The following CRYGN variants were observed in gnomAD, a reference collection of about 807,000 sequenced individuals.
CRYGN encodes the protein crystallin gamma N.
A neutral mutation model predicts 19.2 loss-of-function variants in CRYGN; 17 were observed. The observed-to-expected ratio is 0.89, with a 90% CI of 0.61 to 1.33. The LOEUF is 1.33. Among genes scored for constraint, CRYGN ranks in the 40% most tolerant of loss-of-function variants. The probability of loss-of-function intolerance (pLI) is 0.00; values close to 1 mark genes in which losing one functional copy is unlikely to be tolerated. For missense variants in CRYGN, 239 were observed against 239.6 expected (o/e 1.00, Z 0.02); for synonymous variants, 84 against 85.8 (o/e 0.98, Z 0.12).
chr7:151,439,646 C>T (rs1250432266), intron 1 of CRYGN, among the ~76,000 whole-genome samples: 2 of 152,136 alleles, frequency 1.3e-5, no homozygotes, highest in African/African-American at 4.8e-5. Context: ...AGTCTGAACA[C>T]CCTCCCTGCT....
rs1000272069 is a variant in CRYGN at position 151,431,848 on chromosome 7, A to G, written c.417-1668T>C. 1.0e-4 allele frequency: 22 copies of G among 217,722 alleles called. No homozygotes were observed. The East Asian group carries it at 1.3e-3, about 13-fold the overall frequency. The allele number at this position is 217,722 out of a possible 1,614,324, so 13.5% of individuals were successfully genotyped here. A position where few individuals can be genotyped will look rare whatever the true frequency, so the allele number is the denominator to read the frequency against. ...CGAGTCACAGAGAGGCAGAGCCCCA[A>G]GCGAGCCTGGGGAGTCCTGAACCGG... On this transcript the variant is annotated intron_variant, in intron 3 of 3. Coordinates refer to ENST00000337323, the MANE Select transcript of CRYGN (RefSeq NM_144727.3). The surrounding 1 kb of genome is among the most constrained non-coding windows in gnomAD (Gnocchi z 4.8).
chr7:151,430,281 C>T lies in CRYGN; in HGVS notation c.417-101G>A. 6.6e-6 allele frequency: 8 copies of T among 1,204,160 alleles called. No homozygotes were observed. Among genetic ancestry groups the T allele is most frequent in the Admixed American group, 2.3e-5 (1 of 44,312 alleles). The allele number at this position is 1,204,160 out of a possible 1,614,324, so 74.6% of individuals were successfully genotyped here. The stretch of plus-strand genomic sequence containing the variant: ...CACATGGCAGCAGGGAGCCCCTTCC[C>T]CTTTCCTGGGCGGAGTGGACGGTTG... On this transcript the variant is annotated intron_variant, in intron 3 of 3. Coordinates refer to ENST00000337323, the MANE Select transcript of CRYGN (RefSeq NM_144727.3). This position sits in a 1 kb window ranked among gnomAD's most constrained non-coding sequence, Gnocchi z 5.2.
rs547847151 is a variant in CRYGN at position 151,436,507 on chromosome 7, G to C, written c.271-182C>G. Among the ~76,000 whole-genome samples the C allele has an allele frequency of 6.6e-6, 1 of 152,076 alleles. No homozygotes were observed. Among genetic ancestry groups the C allele is most frequent in the African/African-American group, 2.4e-5 (1 of 41,394 alleles). ...CACATGAGATGTGGTTGGAAGAAAG[G>C]GTTCTATTACTCTGAAAATGTTCCA... On this transcript the variant is annotated intron_variant, in intron 2 of 3. Coordinates refer to ENST00000337323, the MANE Select transcript of CRYGN (RefSeq NM_144727.3). This position sits in a 1 kb window ranked among gnomAD's most constrained non-coding sequence, Gnocchi z 5.1.
rs1801423080 is a variant in CRYGN at position 151,429,773 on chromosome 7, G to T, written c.*275C>A. 1.7e-5 allele frequency: 9 copies of T among 517,452 alleles called. No homozygotes were observed. The highest frequency in any genetic ancestry group is 3.1e-5 in the Non-Finnish European group (9 of 286,512). The allele number at this position is 517,452 out of a possible 1,614,324, so 32.1% of individuals were successfully genotyped here. A position where few individuals can be genotyped will look rare whatever the true frequency, so the allele number is the denominator to read the frequency against. ...TTCATCAACATCATCACCATCATCA[G>T]CTGTGGGCTGAGGTGCGAGATTGTG... On this transcript the variant is annotated 3_prime_UTR_variant, in exon 4 of 4. Coordinates refer to ENST00000337323, the MANE Select transcript of CRYGN (RefSeq NM_144727.3).
chr7:151,438,350 C>T, intron 1 of CRYGN, 106 bp from the exon 2 acceptor site: 1 of 1,169,158 alleles, frequency 8.6e-7, no homozygotes, highest in Non-Finnish European at 1.2e-6. Flanking sequence ...TACTCCCAGG[C>T]CCCCAAAAGC....
In CRYGN at chr7:151,439,997, T is replaced by C. The variant is rs1372703612; in HGVS notation, c.-80A>G. On this transcript the variant is annotated 5_prime_UTR_variant, in exon 1 of 4. Transcript: ENST00000337323. ...GCTCAGCGCCGCCCCGGACAAAAGA[T>C]TTGCTGGGCCGGCCCCGGAGCGTTA... 24 of 1,431,876 alleles carry C rather than the reference T, an allele frequency of 1.7e-5. No individual in the cohort carries two copies. Among genetic ancestry groups the C allele is most frequent in the Non-Finnish European group, 1.9e-5 (21 of 1,089,114 alleles). The allele number at this position is 1,431,876 out of a possible 1,614,324, so 88.7% of individuals were successfully genotyped here. A position where few individuals can be genotyped will look rare whatever the true frequency, so the allele number is the denominator to read the frequency against.
chr7:151,440,221 A>G, upstream of CRYGN: 1 of 653,436 alleles, frequency 1.5e-6, no homozygotes, highest in Non-Finnish European at 2.3e-6. Flanking sequence ...TGGTGGGGGG[A>G]GGAGGGGAGG....
chr7:151,436,916 C>T lies in CRYGN; in HGVS notation c.271-591G>A, dbSNP rs554307681. The stretch of plus-strand genomic sequence containing the variant: ...ATATGATTCCCGCATTTCCAAAAGA[C>T]AGAGGAGGGCCAGCCCCTGCCTGGC... On this transcript the variant is annotated intron_variant, in intron 2 of 3. Coordinates refer to ENST00000337323, the MANE Select transcript of CRYGN (RefSeq NM_144727.3). The surrounding 1 kb of genome is among the most constrained non-coding windows in gnomAD (Gnocchi z 5.1). The T allele has an allele frequency of 6.6e-6, 1 of 152,282 alleles. No individual in the cohort carries two copies. The highest frequency in any genetic ancestry group is 6.5e-5 in the Admixed American group (1 of 15,308). 9.4% of individuals were successfully genotyped at this position (152,282 alleles called of 1,614,324 possible). A position where few individuals can be genotyped will look rare whatever the true frequency, so the allele number is the denominator to read the frequency against.
At position 151,430,210 on chromosome 7, in the gene CRYGN, C is replaced by T. The variant is rs761612752; in HGVS notation, c.417-30G>A. On this transcript the variant is annotated intron_variant, in intron 3 of 3. Transcript: ENST00000337323. This position sits in a 1 kb window ranked among gnomAD's most constrained non-coding sequence, Gnocchi z 5.2. ...GGTTTGCAGGTGAAAGGAGGTGGGGCCAGGGCATTAGGGGTACAGAGCAGG... is the reference window on the plus strand; with the variant it reads ...GGTTTGCAGGTGAAAGGAGGTGGGGTCAGGGCATTAGGGGTACAGAGCAGG... 9 of 1,612,428 alleles carry T rather than the reference C, an allele frequency of 5.6e-6. No homozygotes were observed. The highest frequency in any genetic ancestry group is 7.6e-6 in the Non-Finnish European group (9 of 1,179,622).
intron 3 of CRYGN, chr7:151,432,258 G>A: frequency 2.4e-6 from 3 of 1,232,190 alleles, no homozygotes; most frequent in South Asian, 4.1e-5. Flanking sequence ...TGCGGCCGTG[G>A]TAGTTGGGCT....
In CRYGN at chr7:151,438,034, G is replaced by A. The variant is rs1482704560; in HGVS notation, c.232C>T (p.His78Tyr). ...CGACAGGAGCCCATGTGGTCACTGT[G>A]GCTGTTCCAGCGGAAGAAGTCGGGG... The part of the protein sequence containing the change: ...DYPDFFRWNS[H>Y]SDHMGSCRPV... The change falls in exon 2 of 4, where the codon CAC becomes TAC. Residue 78 changes from histidine to tyrosine, a missense_variant. By Grantham distance (83) the His-to-Tyr change is moderately conservative. Transcript: ENST00000337323. 1 of 1,613,840 alleles carries A rather than the reference G, an allele frequency of 6.2e-7. No individual in the cohort carries two copies. The highest frequency in any genetic ancestry group is 8.5e-7 in the Non-Finnish European group (1 of 1,180,054).
At position 151,436,070 on chromosome 7, in the gene CRYGN, A is replaced by T. The variant is rs1801596921; in HGVS notation, c.416+110T>A. 1 of 793,346 alleles carries T rather than the reference A, an allele frequency of 1.3e-6. No individual in the cohort carries two copies. Among genetic ancestry groups the T allele is most frequent in the Non-Finnish European group, 1.7e-6 (1 of 572,404 alleles). The allele number at this position is 793,346 out of a possible 1,614,324, so 49.1% of individuals were successfully genotyped here. Reference sequence around the variant, plus strand: ...CCAGGGACACGCTGCCCACTGCTGGAGGTCTCATTCCCACCCCACCCACCA... The same window carrying T: ...CCAGGGACACGCTGCCCACTGCTGGTGGTCTCATTCCCACCCCACCCACCA... On this transcript the variant is annotated intron_variant, in intron 3 of 3. Transcript: ENST00000337323. The surrounding 1 kb of genome is among the most constrained non-coding windows in gnomAD (Gnocchi z 5.1).
chr7:151,429,566 C>T lies in CRYGN; in HGVS notation c.*482G>A, dbSNP rs1364216196. ...AAAAGGATCAATCAGCCAGCCAGAC[C>T]TGGGTTTTAGTCCTGACTGCTGTGT... On this transcript the variant is annotated 3_prime_UTR_variant, in exon 4 of 4. Coordinates refer to ENST00000337323, the MANE Select transcript of CRYGN (RefSeq NM_144727.3). 1 of 183,200 alleles carries T rather than the reference C, an allele frequency of 5.5e-6. No homozygotes were observed. Among genetic ancestry groups the T allele is most frequent in the Non-Finnish European group, 1.2e-5 (1 of 85,840 alleles). 11.3% of individuals were successfully genotyped at this position (183,200 alleles called of 1,614,324 possible).
In CRYGN at chr7:151,437,327, G is replaced by A. The variant is rs953720793; in HGVS notation, c.270+669C>T. ...TGCACGCCCCCAGGCTCAGGAGTCC[G>A]CCACTCCCCACCTGAAGCTCCAGAG... On this transcript the variant is annotated intron_variant, in intron 2 of 3. Transcript: ENST00000337323. Among the ~76,000 whole-genome samples the A allele has an allele frequency of 2.0e-4, 31 of 152,236 alleles. 1 individual carries two copies. The highest frequency in any genetic ancestry group is 1.7e-3 in the South Asian group (8 of 4,828).
rs1334686902 is a variant in CRYGN at position 151,440,060 on chromosome 7, C to T, written c.-143G>A. On this transcript the variant is annotated 5_prime_UTR_variant, in exon 1 of 4. Coordinates refer to ENST00000337323, the MANE Select transcript of CRYGN (RefSeq NM_144727.3). ...GTGCTAAGCCCGAGGGGCCACCAGG[C>T]GGTTGGGACCCGCCGCGGCCACCCT... 2.9e-6 allele frequency: 4 copies of T among 1,356,040 alleles called. No homozygotes were observed. The highest frequency in any genetic ancestry group is 7.2e-5 in the Admixed American group (2 of 27,796). 84.0% of individuals were successfully genotyped at this position (1,356,040 alleles called of 1,614,324 possible). A position where few individuals can be genotyped will look rare whatever the true frequency, so the allele number is the denominator to read the frequency against.
chr7:151,435,338 TC>T lies in CRYGN; in HGVS notation c.416+841del, dbSNP rs1251940766. Among the ~76,000 whole-genome samples, 1 of 152,198 alleles carries T rather than the reference TC, an allele frequency of 6.6e-6. No homozygotes were observed. Among genetic ancestry groups the T allele is most frequent in the African/African-American group, 2.4e-5 (1 of 41,440 alleles). On this transcript the variant is annotated intron_variant, in intron 3 of 3. Transcript: ENST00000337323. The surrounding 1 kb of genome is among the most constrained non-coding windows in gnomAD (Gnocchi z 4.2). ...TTGGCTGCAGTCTCAGCTGTGCCAC[TC>T]CCACGGGGCGGCCGGGCAGTCAGCC...
At chr7:151,432,081 T>C in intron 3 of CRYGN, 1 of 733,990 alleles carries the variant, frequency 1.4e-6, no homozygotes, top group Non-Finnish European at 1.9e-6. Context: ...TCCCGAGGTC[T>C]GGGTGGGACC....
In CRYGN at chr7:151,436,219, T is replaced by C. The variant is rs766272720; in HGVS notation, c.377A>G (p.Lys126Arg). 2.5e-6 allele frequency: 4 copies of C among 1,592,884 alleles called. No homozygotes were observed. The highest frequency in any genetic ancestry group is 3.4e-6 in the Non-Finnish European group (4 of 1,169,048). ...CACCTTGATGGTGTTCACACAGTTC[T>C]TGACCCAGCCCCTGCTCTGGAGGAA... ...SPFLQSRGWV[K>R]NCVNTIKVYG... Residue 126 changes from lysine (K) to arginine (R), a missense_variant, in exon 3 of 4, where the codon AAG (lysine) becomes AGG (arginine). Transcript: ENST00000337323. The surrounding 1 kb of genome is among the most constrained non-coding windows in gnomAD (Gnocchi z 5.1).
Position 151,431,844 on chromosome 7 carries a change from C to A in CRYGN, c.417-1664G>T. 4.7e-6 allele frequency: 1 copy of A among 214,282 alleles called. No homozygotes were observed. The allele number at this position is 214,282 out of a possible 1,614,324, so 13.3% of individuals were successfully genotyped here. On this transcript the variant is annotated intron_variant, in intron 3 of 3. Coordinates refer to ENST00000337323, the MANE Select transcript of CRYGN (RefSeq NM_144727.3). This position sits in a 1 kb window ranked among gnomAD's most constrained non-coding sequence, Gnocchi z 4.8. ...TTGCCGAGTCACAGAGAGGCAGAGC[C>A]CCAAGCGAGCCTGGGGAGTCCTGAA...
Sources: allele counts gnomAD v4.1 joint callset (sites outside exome capture counted in the v4.1 genomes callset), GRCh38; gene constraint gnomAD v4.1.1; non-coding constraint Gnocchi (gnomAD v3.1); transcripts MANE v1.5; gene names NCBI Gene and HGNC (gene_info 2026-07-23, HGNC 2026-07-21).